The following SLC25A13 variants were observed in gnomAD, a reference collection of about 807,000 sequenced individuals.
SLC25A13 encodes the protein solute carrier family 25 member 13, also known as electrogenic aspartate/glutamate antiporter SLC25A13, mitochondrial.
A neutral mutation model predicts 85.5 loss-of-function variants in SLC25A13; 70 were observed. That is an observed-to-expected ratio of 0.82 (90% CI 0.68 to 1.00). SLC25A13 has a LOEUF of 1.00. Ranked by LOEUF, SLC25A13 falls within the 50% of genes least tolerant of loss-of-function variation. SLC25A13 has a pLI of 0.00. For missense variants in SLC25A13, 765 were observed against 819.8 expected, an observed-to-expected ratio of 0.93 and a Z score of 0.82; for synonymous variants, 259 against 288.7, an observed-to-expected ratio of 0.90 and a Z score of 1.04.
At chr7:96,283,541 G>C in intron 2 of SLC25A13, 4 of 362,852 alleles carry the variant, frequency 1.1e-5, no homozygotes, top group South Asian at 1.0e-4. Flanking sequence ...GGCAAAAGTA[G>C]AGGAGTCTAC....
intron 3 of SLC25A13, among the ~76,000 whole-genome samples, chr7:96,276,873 T>C (rs1798471577): frequency 6.6e-6 from 1 of 152,160 alleles, no homozygotes; most frequent in Non-Finnish European, 1.5e-5. Flanking sequence ...TACTCACAAT[T>C]TTACAGCTGC....
intron 4 of SLC25A13, among the ~76,000 whole-genome samples, chr7:96,211,275 T>C (rs1391430054): frequency 1.3e-5 from 2 of 152,198 alleles, no homozygotes; most frequent in Admixed American, 1.3e-4. Flanking sequence ...ACTGTGTGTG[T>C]GCCTCTATGA....
At position 96,226,026 on chromosome 7, in the gene SLC25A13, G is replaced by GA. The variant is rs998704864; in HGVS notation, c.328+8775dup. Among the ~76,000 whole-genome samples, 4 of 144,700 alleles carry GA rather than the reference G, an allele frequency of 2.8e-5. No individual in the cohort carries two copies. The East Asian group carries it at 6.2e-4, about 23-fold the overall frequency. The allele number at this position is 144,700 out of a possible 152,430, so 94.9% of individuals were successfully genotyped here. On this transcript the variant is annotated intron_variant, in intron 4 of 17. Transcript: ENST00000265631. ...AAAATAAAATCTTTTTTTTTTGGTG[G>GA]AAAAAAACACTTAACATGAGATCTA... is the stretch of plus-strand genomic sequence containing the variant.
At chr7:96,277,421 G>C (rs1798500922) in intron 2 of SLC25A13, 83 bp from the exon 3 acceptor site, 1 of 1,288,196 alleles carries the variant, frequency 7.8e-7, no homozygotes, top group African/African-American at 1.5e-5. Context: ...TGAAAAAGTT[G>C]AAAATATCCA....
intron 3 of SLC25A13, among the ~76,000 whole-genome samples, chr7:96,275,278 C>T (rs1192233146): frequency 6.6e-6 from 1 of 152,186 alleles, no homozygotes; most frequent in African/African-American, 2.4e-5. Flanking sequence ...CACTTTTACA[C>T]TGTTGGTGAG....
At chr7:96,259,891 C>A (rs1378513168) in intron 3 of SLC25A13, among the ~76,000 whole-genome samples, 1 of 152,094 alleles carries the variant, frequency 6.6e-6, no homozygotes, top group African/African-American at 2.4e-5. Flanking sequence ...AGAATGAGTT[C>A]ATGTCCTTTG....
chr7:96,206,299 G>A lies in SLC25A13; in HGVS notation c.468+2539C>T, dbSNP rs565171711. Among the ~76,000 whole-genome samples the A allele has an allele frequency of 1.4e-4, 22 of 152,256 alleles. No homozygotes were observed. In the South Asian group the frequency reaches 3.3e-3, roughly 23 times the overall value. ...GAGTCCTGCCCAAGAACAGAAAGGC[G>A]GATACCTGCCTGACAAAGCAAGAGC... On this transcript the variant is annotated intron_variant, in intron 5 of 17. Transcript: ENST00000265631.
intron 3 of SLC25A13, among the ~76,000 whole-genome samples, chr7:96,239,392 A>C (rs1442007988): frequency 6.6e-6 from 1 of 151,102 alleles, no homozygotes; most frequent in Non-Finnish European, 1.5e-5. Context: ...ATACATATAT[A>C]TATATAGACA....
At chr7:96,135,820 C>A (rs1323489345) in intron 14 of SLC25A13, among the ~76,000 whole-genome samples, 1 of 151,042 alleles carries the variant, frequency 6.6e-6, no homozygotes, top group African/African-American at 2.4e-5. Flanking sequence ...TTTAAACATT[C>A]CTGCCATATA....
At chr7:96,178,277 C>T (rs572297793) in intron 11 of SLC25A13, among the ~76,000 whole-genome samples, 3 of 152,184 alleles carry the variant, frequency 2.0e-5, no homozygotes, top group East Asian at 3.9e-4. Context: ...CAAAGGACCA[C>T]GCTGGGCAAC....
chr7:96,227,337 T>C (rs1235266689), intron 4 of SLC25A13, among the ~76,000 whole-genome samples: 1 of 152,178 alleles, frequency 6.6e-6, no homozygotes, highest in African/African-American at 2.4e-5. Flanking sequence ...TTAAAAATTC[T>C]TAAAGGAATA....
At chr7:96,271,525 GA>G (rs2116923219) in intron 3 of SLC25A13, among the ~76,000 whole-genome samples, 1 of 152,286 alleles carries the variant, frequency 6.6e-6, no homozygotes, top group East Asian at 1.9e-4. Context: ...GAGATTATGA[GA>G]AGAGGCAGCT....
At chr7:96,174,607 C>T (rs538973096) in intron 11 of SLC25A13, among the ~76,000 whole-genome samples, 1 of 152,322 alleles carries the variant, frequency 6.6e-6, no homozygotes, top group Non-Finnish European at 1.5e-5. Context: ...ATGTATTTTT[C>T]TCATCATTAA....
intron 3 of SLC25A13, among the ~76,000 whole-genome samples, chr7:96,262,488 A>G (rs1183799588): frequency 6.7e-6 from 1 of 149,884 alleles, no homozygotes; most frequent in African/African-American, 2.5e-5. Context: ...GAACAGTAAA[A>G]AGGGAAAAGT....
intron 15 of SLC25A13, among the ~76,000 whole-genome samples, chr7:96,125,097 C>CTT (rs368070703): frequency 1.4e-5 from 2 of 147,626 alleles, no homozygotes; most frequent in African/African-American, 4.9e-5. Flanking sequence ...TCTTAATTCA[C>CTT]TTTTTTTTTT....
At chr7:96,184,517 G>T in intron 10 of SLC25A13, 82 bp from the exon 11 acceptor site, 1 of 1,348,876 alleles carries the variant, frequency 7.4e-7, no homozygotes, top group Non-Finnish European at 1.0e-6. Context: ...TCAAGGACAA[G>T]ACTGAGAAAA....
rs530497457 is a variant in SLC25A13, at chr7:96,143,438, T to C, written c.1452+3118A>G. ...TCTCATAATTCTTTTTAAAAAGAAG[T>C]AGACATTGCAGATTTGTTTTCTTAG... On this transcript the variant is annotated intron_variant, in intron 14 of 17. Coordinates refer to ENST00000265631, the MANE Select transcript of SLC25A13 (RefSeq NM_014251.3). Among the ~76,000 whole-genome samples the C allele has an allele frequency of 7.2e-5, 11 of 152,308 alleles. No individual in the cohort carries two copies. The East Asian group carries it at 1.3e-3, about 19-fold the overall frequency.
intron 14 of SLC25A13, among the ~76,000 whole-genome samples, chr7:96,141,303 G>A (rs1187879209): frequency 1.3e-5 from 2 of 152,056 alleles, no homozygotes; most frequent in African/African-American, 2.4e-5. Flanking sequence ...GATTACAGAC[G>A]TAAGGCACCA....
intron 13 of SLC25A13, among the ~76,000 whole-genome samples, chr7:96,146,949 C>T (rs192365500): frequency 2.6e-5 from 4 of 152,256 alleles, no homozygotes; most frequent in Admixed American, 2.6e-4. Flanking sequence ...TGTTGACCTC[C>T]CCAAGTCCTC....
Sources: allele counts gnomAD v4.1 joint callset (sites outside exome capture counted in the v4.1 genomes callset), GRCh38; gene constraint gnomAD v4.1.1; transcripts MANE v1.5; gene names NCBI Gene and HGNC (gene_info 2026-07-23, HGNC 2026-07-21).